SCHIP1: variants seen among roughly 807,000 people sequenced by gnomAD.
SCHIP1 encodes the protein schwannomin-interacting protein 1.
SCHIP1 carries 8 observed loss-of-function variants against 29.7 expected under a neutral mutation model. That is an observed-to-expected ratio of 0.27 (90% CI 0.16 to 0.49). The LOEUF is 0.49. Among genes scored for constraint, SCHIP1 ranks in the 20% least tolerant of loss-of-function variants. The pLI is 0.99. For synonymous variants in SCHIP1, 76 were observed against 94.9 expected (o/e 0.80, Z 1.16); for missense variants, 193 against 294.6 (o/e 0.66, Z 2.52).
the SCHIP1 span, among the ~76,000 whole-genome samples, chr3:159,594,491 A>G: frequency 6.6e-6 from 1 of 152,206 alleles, no homozygotes; most frequent in Non-Finnish European, 1.5e-5. Context: ...TTACAGCCAC[A>G]GTGACTCCTA....
At chr3:159,446,014 C>G in the SCHIP1 span, among the ~76,000 whole-genome samples, 3 of 142,422 alleles carry the variant, frequency 2.1e-5, no homozygotes, top group African/African-American at 8.7e-5. Context: ...TACCCTAAAA[C>G]TTAAAGTATA....
At chr3:159,333,118 C>G in the SCHIP1 span, among the ~76,000 whole-genome samples, 1 of 152,124 alleles carries the variant, frequency 6.6e-6, no homozygotes. Flanking sequence ...CAAATAAAAC[C>G]ATGTCAGTCT....
At chr3:159,680,912 G>A in the SCHIP1 span, among the ~76,000 whole-genome samples, 13 of 150,042 alleles carry the variant, frequency 8.7e-5, no homozygotes, top group African/African-American at 3.2e-4. Context: ...CTTTTATTTT[G>A]TATCAATATG....
the SCHIP1 span, among the ~76,000 whole-genome samples, chr3:159,481,541 T>C: frequency 6.6e-6 from 1 of 152,166 alleles, no homozygotes; most frequent in African/African-American, 2.4e-5. Context: ...TTATGGGAAA[T>C]TCCAATTTTA....
chr3:159,636,130 C>A, the SCHIP1 span, among the ~76,000 whole-genome samples: 2 of 152,338 alleles, frequency 1.3e-5, no homozygotes, highest in Non-Finnish European at 2.9e-5. Context: ...CTCACTGCAG[C>A]CTTTGCCTTT....
chr3:159,659,087 C>T, the SCHIP1 span, among the ~76,000 whole-genome samples: 3 of 152,188 alleles, frequency 2.0e-5, no homozygotes, highest in Admixed American at 2.0e-4. Context: ...TTTGTCAATG[C>T]TGTTTGGGAC....
At chr3:159,527,390 T>C in the SCHIP1 span, among the ~76,000 whole-genome samples, 1 of 152,176 alleles carries the variant, frequency 6.6e-6, no homozygotes, top group African/African-American at 2.4e-5. Context: ...ACTTGCTTTA[T>C]ATATCCAGAG....
chr3:159,337,202 T>C, the SCHIP1 span, among the ~76,000 whole-genome samples: 1 of 152,056 alleles, frequency 6.6e-6, no homozygotes, highest in Non-Finnish European at 1.5e-5. Flanking sequence ...TATCTCAAAA[T>C]AATAAGAGCT....
At chr3:159,692,126 A>T in the SCHIP1 span, among the ~76,000 whole-genome samples, 1 of 149,156 alleles carries the variant, frequency 6.7e-6, no homozygotes, top group Admixed American at 6.8e-5. Flanking sequence ...CTTCCCGGTA[A>T]CCCGACCTTT....
the SCHIP1 span, among the ~76,000 whole-genome samples, chr3:159,327,206 G>A: frequency 7.2e-5 from 11 of 152,156 alleles, no homozygotes. Context: ...TTGGAGCTGG[G>A]CAACCAGGAT....
chr3:159,392,962 T>G, the SCHIP1 span, among the ~76,000 whole-genome samples: 1 of 152,216 alleles, frequency 6.6e-6, no homozygotes, highest in Non-Finnish European at 1.5e-5. Flanking sequence ...CTCCACGTCC[T>G]CTCCAGCACC....
the SCHIP1 span, among the ~76,000 whole-genome samples, chr3:159,691,535 G>C: frequency 5.1e-3 from 773 of 150,780 alleles, 10 homozygotes; most frequent in Admixed American, 0.024. Flanking sequence ...CACACCAATC[G>C]GTCTTGACTC....
the SCHIP1 span, among the ~76,000 whole-genome samples, chr3:159,397,534 C>T: frequency 6.6e-6 from 1 of 152,146 alleles, no homozygotes; most frequent in African/African-American, 2.4e-5. Flanking sequence ...AGTTTTCCTT[C>T]TAAAAGATAG....
At chr3:159,315,079 C>G in the SCHIP1 span, among the ~76,000 whole-genome samples, 1 of 151,946 alleles carries the variant, frequency 6.6e-6, no homozygotes, top group Non-Finnish European at 1.5e-5. Flanking sequence ...GTAGCTATTG[C>G]GAAAAGCTTT....
At chr3:159,878,903 A>G (rs1477760169) in intron 2 of SCHIP1, among the ~76,000 whole-genome samples, 1 of 150,708 alleles carries the variant, frequency 6.6e-6, no homozygotes, top group African/African-American at 2.4e-5. Flanking sequence ...GAAAATCCAA[A>G]GCCAACTGAA....
the SCHIP1 span, among the ~76,000 whole-genome samples, chr3:159,611,959 C>T: frequency 7.6e-4 from 116 of 152,122 alleles, no homozygotes; most frequent in South Asian, 0.012. Flanking sequence ...TATAATTTTT[C>T]TCATAAGTGG....
chr3:159,606,141 G>A, the SCHIP1 span, among the ~76,000 whole-genome samples: 4 of 152,176 alleles, frequency 2.6e-5, no homozygotes, highest in African/African-American at 9.7e-5. Context: ...TGATTCATAA[G>A]CATAGAGTCC....
the SCHIP1 span, among the ~76,000 whole-genome samples, chr3:159,673,646 C>A: frequency 3.4e-3 from 516 of 152,296 alleles, 4 homozygotes; most frequent in African/African-American, 0.012. Context: ...CCTTCTAGGT[C>A]CCCTGAAAGG....
chr3:159,285,386 A>G, the SCHIP1 span, among the ~76,000 whole-genome samples: 1 of 152,172 alleles, frequency 6.6e-6, no homozygotes, highest in Non-Finnish European at 1.5e-5. Flanking sequence ...TAGATAAGTT[A>G]CAAAACTTAT....
Sources: gnomAD v4.1 joint callset for allele counts (sites outside exome capture counted in the v4.1 genomes callset) on GRCh38, gnomAD v4.1.1 for gene constraint, MANE v1.5 for transcripts, NCBI Gene and HGNC (gene_info 2026-07-23, HGNC 2026-07-21) for gene names.